HS3ST4: variants seen among roughly 807,000 people sequenced by gnomAD.
HS3ST4 encodes heparan sulfate glucosamine 3-O-sulfotransferase 4.
A neutral mutation model predicts 29.2 loss-of-function variants in HS3ST4; 17 were observed. The ratio of observed to expected loss-of-function variants is 0.58; its 90% CI spans 0.40 to 0.87. The LOEUF (loss-of-function observed/expected upper bound fraction) is 0.87. HS3ST4 is among the 40% of genes least tolerant of loss of function. The pLI is 0.00. For synonymous variants in HS3ST4, 314 were observed against 285.7 expected, an observed-to-expected ratio of 1.10 and a Z score of -1.00; for missense variants, 627 against 634.5, an observed-to-expected ratio of 0.99 and a Z score of 0.13.
intron 1 of HS3ST4, among the ~76,000 whole-genome samples, chr16:25,762,234 A>G (rs532036548): frequency 2.0e-5 from 3 of 152,318 alleles, no homozygotes; most frequent in East Asian, 1.9e-4. Flanking sequence ...AACAGAGTCT[A>G]TGGTATTCCG....
At chr16:26,073,713 A>G (rs1178408537) in intron 1 of HS3ST4, among the ~76,000 whole-genome samples, 1 of 152,196 alleles carries the variant, frequency 6.6e-6, no homozygotes, top group African/African-American at 2.4e-5. Context: ...CATCACACGC[A>G]CTGTAGGTAT....
chr16:26,089,257 A>G (rs149427956), intron 1 of HS3ST4, among the ~76,000 whole-genome samples: 2,173 of 152,334 alleles, frequency 0.014, 25 homozygotes, highest in Non-Finnish European at 0.024. Context: ...GACCATCTGC[A>G]TCTTCTCCAG....
intron 1 of HS3ST4, among the ~76,000 whole-genome samples, chr16:25,829,981 G>A (rs533037968): frequency 1.3e-4 from 19 of 151,810 alleles, no homozygotes; most frequent in Non-Finnish European, 2.5e-4. Context: ...ACACCACCAC[G>A]CCTGGCTAAT....
intron 1 of HS3ST4, among the ~76,000 whole-genome samples, chr16:25,957,962 C>T (rs1387409063): frequency 6.6e-6 from 1 of 152,090 alleles, no homozygotes; most frequent in African/African-American, 2.4e-5. Flanking sequence ...GGAGGTCTCA[C>T]ACTACTCTCC....
At chr16:25,918,649 G>A (rs992458390) in intron 1 of HS3ST4, among the ~76,000 whole-genome samples, 3 of 152,196 alleles carry the variant, frequency 2.0e-5, no homozygotes, top group Non-Finnish European at 4.4e-5. Context: ...AAAACACCTG[G>A]TTCATCGGAG....
chr16:26,014,484 A>G (rs1969343850), intron 1 of HS3ST4, among the ~76,000 whole-genome samples: 1 of 151,818 alleles, frequency 6.6e-6, no homozygotes, highest in African/African-American at 2.4e-5. Flanking sequence ...CTCATTTCAC[A>G]CCCTCCTCTG....
chr16:25,832,285 C>T (rs1028197446), intron 1 of HS3ST4, among the ~76,000 whole-genome samples: 8 of 151,978 alleles, frequency 5.3e-5, no homozygotes, highest in African/African-American at 1.9e-4. Flanking sequence ...ATTATTAATC[C>T]ATAATAAAGA....
intron 1 of HS3ST4, among the ~76,000 whole-genome samples, chr16:25,810,792 C>T (rs751565520): frequency 3.3e-5 from 5 of 152,088 alleles, no homozygotes; most frequent in Admixed American, 6.5e-5. Context: ...GCTGTGTTTT[C>T]CCCCGGTTGT....
chr16:25,692,593 T>C lies in HS3ST4; in HGVS notation c.176T>C (p.Leu59Pro). The C allele has an allele frequency of 1.4e-6, 2 of 1,408,902 alleles. No individual in the cohort carries two copies. The highest frequency in any genetic ancestry group is 1.4e-5 in the South Asian group (1 of 72,658). The allele number at this position is 1,408,902 out of a possible 1,614,324, so 87.3% of individuals were successfully genotyped here. A position where few individuals can be genotyped will look rare whatever the true frequency, so the allele number is the denominator to read the frequency against. The change falls in exon 1 of 2, where the codon CTG becomes CCG. Residue 59 changes from leucine (L) to proline (P), a missense_variant. Coordinates refer to ENST00000331351, the MANE Select transcript of HS3ST4 (RefSeq NM_006040.3). ...CYSLLGGSGS[L>P]QFPLALQESP... ...AGCCTCCTGGGCGGCTCGGGCTCCC[T>C]GCAATTCCCTCTGGCGCTGCAGGAG...
rs1288932832 is a variant in HS3ST4 at position 25,692,639 on chromosome 16, GC to G, written c.227del (p.Pro76ArgfsTer74). On this transcript the variant is annotated frameshift_variant, in exon 1 of 2. Transcript: ENST00000331351. LOFTEE classifies it high-confidence loss of function. ...AGGAGTCGCCGGGCGCCGCCGCCGA[GC>G]CCCCGCCGAGCCCGCCGCCACCCTC... Reference protein sequence around the residue: ...LQESPGAAAEPPPSPPPPSLL... With the variant: ...LQESPGAAAEXPPSPPPPSLL... 7.4e-6 allele frequency: 10 copies of G among 1,355,718 alleles called. No homozygotes were observed. The highest frequency in any genetic ancestry group is 1.6e-5 in the South Asian group (1 of 62,216). The allele number at this position is 1,355,718 out of a possible 1,614,324, so 84.0% of individuals were successfully genotyped here. A position where few individuals can be genotyped will look rare whatever the true frequency, so the allele number is the denominator to read the frequency against.
chr16:25,764,331 A>G (rs551085243), intron 1 of HS3ST4, among the ~76,000 whole-genome samples: 5 of 152,336 alleles, frequency 3.3e-5, no homozygotes, highest in South Asian at 2.1e-4. Context: ...ACATTTATCA[A>G]TGTCTTTTAA....
intron 1 of HS3ST4, among the ~76,000 whole-genome samples, chr16:26,046,684 T>A (rs1022712553): frequency 6.6e-6 from 1 of 152,110 alleles, no homozygotes; most frequent in Middle Eastern, 3.2e-3. Flanking sequence ...CTCAGCTTCA[T>A]GTAGAGAAAT....
At chr16:25,694,887 CAG>C (rs1326030244) in intron 1 of HS3ST4, among the ~76,000 whole-genome samples, 2 of 150,066 alleles carry the variant, frequency 1.3e-5, no homozygotes, top group East Asian at 3.9e-4. Flanking sequence ...CAGCTGGAAA[CAG>C]AGGGCCGGGG....
intron 1 of HS3ST4, among the ~76,000 whole-genome samples, chr16:25,852,270 A>T (rs1596590978): frequency 1.3e-5 from 2 of 152,118 alleles, no homozygotes; most frequent in East Asian, 3.9e-4. Flanking sequence ...TGCTTCTGAA[A>T]GTCTGGTTTT....
At chr16:25,711,847 T>G (rs1035163683) in intron 1 of HS3ST4, among the ~76,000 whole-genome samples, 4 of 152,214 alleles carry the variant, frequency 2.6e-5, no homozygotes, top group Non-Finnish European at 5.9e-5. Context: ...CAGGCTGGTC[T>G]TGAACTCCTG....
chr16:25,796,714 C>T (rs1966888000), intron 1 of HS3ST4, among the ~76,000 whole-genome samples: 1 of 152,202 alleles, frequency 6.6e-6, no homozygotes, highest in African/African-American at 2.4e-5. Flanking sequence ...TATGAAGGCT[C>T]CTGCCTCGCA....
At chr16:25,999,105 A>G (rs1969182148) in intron 1 of HS3ST4, among the ~76,000 whole-genome samples, 1 of 152,038 alleles carries the variant, frequency 6.6e-6, no homozygotes, top group African/African-American at 2.4e-5. Flanking sequence ...TAGCTAATTC[A>G]TTTCGTCTAG....
chr16:26,003,878 C>G (rs565162049), intron 1 of HS3ST4, among the ~76,000 whole-genome samples: 7 of 152,152 alleles, frequency 4.6e-5, no homozygotes, highest in African/African-American at 1.7e-4. Flanking sequence ...CCCCTGTGTG[C>G]TGGTGCCTGG....
At chr16:25,828,313 T>TTTCTTTCTTTCTTCCTTTCC (rs1206232969) in intron 1 of HS3ST4, among the ~76,000 whole-genome samples, 3 of 120,780 alleles carry the variant, frequency 2.5e-5, no homozygotes, top group African/African-American at 1.0e-4. Context: ...TCTCTCTCTC[T>TTTCTTTCTTTCTTCCTTTCC]CTCTCTCTCT....
Sources: gnomAD v4.1 joint callset for allele counts (sites outside exome capture counted in the v4.1 genomes callset) on GRCh38, gnomAD v4.1.1 for gene constraint, MANE v1.5 for transcripts, NCBI Gene and HGNC (gene_info 2026-07-23, HGNC 2026-07-21) for gene names.